The following IP6K2 variants were observed in gnomAD, a reference collection of about 807,000 sequenced individuals.
IP6K2 encodes ATP:1D-myo-inositol-hexakisphosphate phosphotransferase.
A neutral mutation model predicts 43.3 loss-of-function variants in IP6K2; 9 were observed. The observed-to-expected ratio is 0.21, with a 90% CI of 0.13 to 0.36. IP6K2 has a LOEUF of 0.36. Ranked by LOEUF, IP6K2 falls within the 10% of genes least tolerant of loss-of-function variation. IP6K2 has a pLI of 1.00. For synonymous variants in IP6K2, 209 were observed against 202.4 expected (o/e 1.03, Z -0.28); for missense variants, 332 against 538.4 (o/e 0.62, Z 3.79).
At chr3:48,708,512 A>G (rs1335778976) in intron 1 of IP6K2, among the ~76,000 whole-genome samples, 1 of 152,138 alleles carries the variant, frequency 6.6e-6, no homozygotes, top group East Asian at 1.9e-4. Context: ...ATTACAAGGC[A>G]TGAGTCAACT....
rs1172615368 is a variant in IP6K2, at chr3:48,688,835, G to GGGGGT, written c.781-67_781-63dup. The GGGGGT allele has an allele frequency of 2.0e-6, 3 of 1,533,456 alleles. No homozygotes were observed. In the East Asian group the frequency reaches 6.8e-5, roughly 35 times the overall value. 95.0% of individuals were successfully genotyped at this position (1,533,456 alleles called of 1,614,324 possible). The stretch of plus-strand genomic sequence containing the variant: ...CCATCTCAAACCCTGGACCCCGGGC[G>GGGGGT]GGGGTGGGGTGGTGTGGTGGTGGCG... On this transcript the variant is annotated intron_variant, in intron 5 of 5. Transcript: ENST00000328631. This position sits in a 1 kb window ranked among gnomAD's most constrained non-coding sequence, Gnocchi z 5.1.
chr3:48,688,534 C>A lies in IP6K2; in HGVS notation c.1020G>T (p.Arg340=). The change falls in exon 6 of 6, where the codon CGG becomes CGT. Residue 340 remains arginine, a synonymous_variant. Coordinates refer to ENST00000328631, the MANE Select transcript of IP6K2 (RefSeq NM_016291.4). The surrounding 1 kb of genome is among the most constrained non-coding windows in gnomAD (Gnocchi z 5.1). ...CATCTGAGTCCAGGACCACTTCGGG[C>A]CGCTCCTTGCCATCATAAATGACCA... ...SLLVIYDGKE[R]PEVVLDSDAE... 1 of 1,614,222 alleles carries A rather than the reference C, an allele frequency of 6.2e-7. No individual in the cohort carries two copies. The highest frequency in any genetic ancestry group is 1.1e-5 in the South Asian group (1 of 91,080).
chr3:48,693,425 G>T, intron 2 of IP6K2: 1 of 1,375,778 alleles, frequency 7.3e-7, no homozygotes. Flanking sequence ...AACGAGGCAA[G>T]AGCCAAAGAA....
At chr3:48,714,774 G>A (rs1337096846) in intron 1 of IP6K2, among the ~76,000 whole-genome samples, 2 of 144,740 alleles carry the variant, frequency 1.4e-5, no homozygotes, top group Admixed American at 1.5e-4. Flanking sequence ...CGTGAACCCG[G>A]AAGGCGGAGC....
At chr3:48,693,445 A>G (rs1401619382) in intron 2 of IP6K2, 1 of 1,387,734 alleles carries the variant, frequency 7.2e-7, no homozygotes, top group African/African-American at 1.5e-5. Flanking sequence ...ATTACAAGAC[A>G]CATTTTTCCA....
chr3:48,709,446 C>T (rs1034200526), intron 1 of IP6K2, among the ~76,000 whole-genome samples: 2 of 152,222 alleles, frequency 1.3e-5, no homozygotes, highest in East Asian at 3.8e-4. Flanking sequence ...AGCAATCTGG[C>T]AGCTTGTATC....
At chr3:48,698,011 C>T (rs2078595845) in intron 1 of IP6K2, among the ~76,000 whole-genome samples, 1 of 152,196 alleles carries the variant, frequency 6.6e-6, no homozygotes. Flanking sequence ...GTTCTGATTA[C>T]TTGGCACTAC....
At chr3:48,694,924 G>T in intron 2 of IP6K2, 166 bp downstream of exon 2, 1 of 1,550,918 alleles carries the variant, frequency 6.4e-7, no homozygotes, top group Non-Finnish European at 8.7e-7. Flanking sequence ...AACTGAGGGT[G>T]TGAGATGCTG....
intron 1 of IP6K2, among the ~76,000 whole-genome samples, chr3:48,696,760 G>C (rs2106850227): frequency 1.3e-5 from 2 of 152,326 alleles, no homozygotes; most frequent in Middle Eastern, 3.4e-3. Flanking sequence ...GGATGGATCT[G>C]GAAGAGATGT....
intron 2 of IP6K2, chr3:48,694,699 T>C (rs2078123090): frequency 1.3e-6 from 2 of 1,503,796 alleles, no homozygotes; most frequent in African/African-American, 1.4e-5. Context: ...CCTACCTAAT[T>C]ACCCGGGCTT....
In IP6K2 at chr3:48,688,987, C is replaced by T. The variant is rs1312225072; in HGVS notation, c.781-214G>A. On this transcript the variant is annotated intron_variant, in intron 5 of 5. Coordinates refer to ENST00000328631, the MANE Select transcript of IP6K2 (RefSeq NM_016291.4). The surrounding 1 kb of genome is among the most constrained non-coding windows in gnomAD (Gnocchi z 5.1). ...TGGGTTTGGTCATTGTGCCCCAGCA[C>T]CCCACCTCAACATCTGGGTCACTGG... is the stretch of plus-strand genomic sequence containing the variant. Among the ~76,000 whole-genome samples the T allele has an allele frequency of 1.3e-5, 2 of 152,240 alleles. No homozygotes were observed. The highest frequency in any genetic ancestry group is 2.9e-5 in the Non-Finnish European group (2 of 68,046).
Position 48,695,520 on chromosome 3 carries a change from C to T in IP6K2, c.-130-99G>A, listed in dbSNP as rs1575622267. ...CCTTCAGCAGAAAGACAAAGACAAACAGTCTGAGTTCTTGCGGGACTCCGC... is the reference window on the plus strand; with the variant it reads ...CCTTCAGCAGAAAGACAAAGACAAATAGTCTGAGTTCTTGCGGGACTCCGC... On this transcript the variant is annotated intron_variant, in intron 1 of 5. Coordinates refer to ENST00000328631, the MANE Select transcript of IP6K2 (RefSeq NM_016291.4). The surrounding 1 kb of genome is among the most constrained non-coding windows in gnomAD (Gnocchi z 4.6). The T allele has an allele frequency of 7.7e-7, 1 of 1,294,402 alleles. No individual in the cohort carries two copies. The highest frequency in any genetic ancestry group is 2.8e-5 in the East Asian group (1 of 35,890). 80.2% of individuals were successfully genotyped at this position (1,294,402 alleles called of 1,614,324 possible).
At chr3:48,694,588 A>G (rs1157125367) in intron 2 of IP6K2, 1 of 1,523,630 alleles carries the variant, frequency 6.6e-7, no homozygotes, top group African/African-American at 1.4e-5. Context: ...GGTTGCTTTC[A>G]TATAGCAATT....
At chr3:48,692,907 C>T (rs749618089) in intron 3 of IP6K2, 47 bp downstream of exon 3, 1 of 1,428,126 alleles carries the variant, frequency 7.0e-7, no homozygotes, top group Non-Finnish European at 9.8e-7. Flanking sequence ...AAACCCCCAA[C>T]ACTTCCCCTC....
Position 48,689,685 on chromosome 3 carries a change from G to A in IP6K2, c.633C>T (p.Ser211=), listed in dbSNP as rs375782633. Residue 211 remains serine (S), a synonymous_variant, in exon 5 of 6, where the codon TCC becomes TCT. Coordinates refer to ENST00000328631, the MANE Select transcript of IP6K2 (RefSeq NM_016291.4). ...CAAGGACACAAGGCACCTCGTAGCG[G>A]GAAGTCAGGTTTTCCAGTAAGATAA... ...YKFILLENLT[S]RYEVPCVLDL... 1.9e-6 allele frequency: 3 copies of A among 1,613,808 alleles called. No individual in the cohort carries two copies. In the African/African-American group the frequency reaches 4.0e-5, roughly 22 times the overall value.
chr3:48,691,388 G>A lies in IP6K2; in HGVS notation c.523C>T (p.His175Tyr). 4.3e-6 allele frequency: 7 copies of A among 1,613,314 alleles called. No homozygotes were observed. Among genetic ancestry groups the A allele is most frequent in the Non-Finnish European group, 5.9e-6 (7 of 1,179,220 alleles). The stretch of plus-strand genomic sequence containing the variant: ...CATTTCATGCTCCAAGGGTTATAGT[G>A]TTTAAGCTGGGAACTTATATTCCCC... ...KKGNISSQLKHYNPWSMKCHQ... is the reference protein window; with the variant it reads ...KKGNISSQLKYYNPWSMKCHQ... Residue 175 changes from histidine (H) to tyrosine (Y), a missense_variant, in exon 4 of 6, where the codon CAC (histidine) becomes TAC (tyrosine). His to Tyr is a moderately conservative substitution (Grantham distance 83). Transcript: ENST00000328631.
intron 1 of IP6K2, among the ~76,000 whole-genome samples, chr3:48,714,378 C>CT (rs968764698): frequency 1.9e-4 from 28 of 150,008 alleles, no homozygotes; most frequent in East Asian, 4.1e-4. Context: ...TTTCTTTTTC[C>CT]TTTTTTTTGT....
At chr3:48,698,435 A>G (rs902335346) in intron 1 of IP6K2, among the ~76,000 whole-genome samples, 4 of 152,124 alleles carry the variant, frequency 2.6e-5, no homozygotes, top group Non-Finnish European at 4.4e-5. Context: ...ACTTGAGACT[A>G]GGAGTTGACA....
At chr3:48,710,791 A>C (rs943215753) in intron 1 of IP6K2, among the ~76,000 whole-genome samples, 1 of 151,950 alleles carries the variant, frequency 6.6e-6, no homozygotes, top group Non-Finnish European at 1.5e-5. Flanking sequence ...TTGTATTTTT[A>C]GTAGAGACAG....
Sources: allele counts gnomAD v4.1 joint callset (sites outside exome capture counted in the v4.1 genomes callset), GRCh38; gene constraint gnomAD v4.1.1; non-coding constraint Gnocchi (gnomAD v3.1); transcripts MANE v1.5; gene names NCBI Gene and HGNC (gene_info 2026-07-23, HGNC 2026-07-21).